NOS2: variants seen among roughly 807,000 people sequenced by gnomAD.
NOS2 encodes nitric oxide synthase, inducible.
NOS2 carries 96 observed loss-of-function variants against 136.0 expected under a neutral mutation model. That is an observed-to-expected ratio of 0.71 (90% CI 0.60 to 0.84). NOS2 has a LOEUF of 0.84. NOS2 is among the 40% of genes least tolerant of loss of function. NOS2 has a pLI of 0.00. For missense variants in NOS2, 1,237 were observed against 1,496.9 expected (o/e 0.83, Z 2.87); for synonymous variants, 539 against 587.5 (o/e 0.92, Z 1.20).
chr17:27,765,039 C>T (rs149256722), intron 20 of NOS2, among the ~76,000 whole-genome samples: 3 of 152,218 alleles, frequency 2.0e-5, no homozygotes, highest in East Asian at 1.9e-4. Flanking sequence ...AGTGTAGTGG[C>T]GAGATCTCAT....
chr17:27,788,708 ATTGT>A, intron 4 of NOS2, 97 bp downstream of exon 4: 3 of 1,426,496 alleles, frequency 2.1e-6, no homozygotes, highest in Non-Finnish European at 2.8e-6. Context: ...CAAGCAGATG[ATTGT>A]TTGGTTTGCC....
rs1908227488 is a variant in NOS2 at position 27,764,290 on chromosome 17, A to G, written c.2429-146T>C. On this transcript the variant is annotated intron_variant, in intron 20 of 26. Coordinates refer to ENST00000313735, the MANE Select transcript of NOS2 (RefSeq NM_000625.4). ...AGACCTGGCTCTAAGAGCAAAAGGC[A>G]GGAAGAAGGTGGCGCATGGAGAAAG... 1.1e-5 allele frequency: 6 copies of G among 521,866 alleles called. No homozygotes were observed. The South Asian group carries it at 1.8e-4, about 16-fold the overall frequency. 32.3% of individuals were successfully genotyped at this position (521,866 alleles called of 1,614,324 possible).
Position 27,758,423 on chromosome 17 carries a change from T to A in NOS2, c.3354+458A>T, listed in dbSNP as rs1258202584. Among the ~76,000 whole-genome samples, 4 of 152,176 alleles carry A rather than the reference T, an allele frequency of 2.6e-5. No homozygotes were observed. In the South Asian group the frequency reaches 6.2e-4, roughly 24 times the overall value. On this transcript the variant is annotated intron_variant, in intron 26 of 26. Coordinates refer to ENST00000313735, the MANE Select transcript of NOS2 (RefSeq NM_000625.4). Reference sequence around the variant, plus strand: ...GCCCAGTGTAAGCCCTTGATAAATATCACTATTATCTTCATCAATAAAATG... The same window carrying A: ...GCCCAGTGTAAGCCCTTGATAAATAACACTATTATCTTCATCAATAAAATG...
chr17:27,768,691 G>A (rs1223701140), intron 17 of NOS2, among the ~76,000 whole-genome samples: 3 of 152,238 alleles, frequency 2.0e-5, no homozygotes, highest in Non-Finnish European at 4.4e-5. Flanking sequence ...GACCTAGGTA[G>A]TCACTGGAGG....
Position 27,764,050 on chromosome 17 carries a change from C to T in NOS2, c.2523G>A (p.Leu841=). ...FLDITTPPTQ[L]LLQKLAQVAT... ...CCACCTGGGCCAGCTTTTGGAGCAGCAGCTGGGTTGGGGGTGTGGTGATGT... is the reference window on the plus strand; with the variant it reads ...CCACCTGGGCCAGCTTTTGGAGCAGTAGCTGGGTTGGGGGTGTGGTGATGT... Residue 841 remains leucine (L), a synonymous_variant, in exon 21 of 27, where the codon CTG becomes CTA. Transcript: ENST00000313735. 1 of 1,613,608 alleles carries T rather than the reference C, an allele frequency of 6.2e-7. No individual in the cohort carries two copies. Among genetic ancestry groups the T allele is most frequent in the Non-Finnish European group, 8.5e-7 (1 of 1,179,716 alleles).
chr17:27,757,378 C>A lies in NOS2; in HGVS notation c.3355-25G>T, dbSNP rs200170947. ...TCTTTTAGGTAAAAACAGAGAGCAACGTGTCAAGTCCAGGCTGGGATGAGC... is the reference window on the plus strand; with the variant it reads ...TCTTTTAGGTAAAAACAGAGAGCAAAGTGTCAAGTCCAGGCTGGGATGAGC... On this transcript the variant is annotated intron_variant, in intron 26 of 26. Coordinates refer to ENST00000313735, the MANE Select transcript of NOS2 (RefSeq NM_000625.4). The A allele has an allele frequency of 4.4e-6, 7 of 1,607,388 alleles. No individual in the cohort carries two copies. The Admixed American group carries it at 1.0e-4, about 23-fold the overall frequency.
chr17:27,760,471 C>A, intron 24 of NOS2, 152 bp downstream of exon 24: 1 of 1,038,166 alleles, frequency 9.6e-7, no homozygotes, highest in Non-Finnish European at 1.4e-6. Context: ...GGAAAGGCAG[C>A]CATTCTAACC....
At chr17:27,780,991 G>A in intron 8 of NOS2, 45 bp downstream of exon 8, 1 of 1,604,252 alleles carries the variant, frequency 6.2e-7, no homozygotes, top group Non-Finnish European at 8.5e-7. Context: ...GCTCACCACG[G>A]GGCTCCCCGC....
chr17:27,769,287 G>T, intron 16 of NOS2, 136 bp from the exon 17 acceptor site: 1 of 920,298 alleles, frequency 1.1e-6, no homozygotes, highest in Non-Finnish European at 1.6e-6. Context: ...CCCCCTTCTG[G>T]TCCTCTCCAT....
intron 5 of NOS2, 89 bp downstream of exon 5, chr17:27,787,589 G>A (rs1475528263): frequency 5.9e-6 from 6 of 1,010,972 alleles, no homozygotes; most frequent in Non-Finnish European, 8.7e-6. Flanking sequence ...AAAGAAAAGG[G>A]ATCTAGCTAG....
chr17:27,769,945 A>G (rs1282296793), intron 15 of NOS2, among the ~76,000 whole-genome samples: 4 of 152,218 alleles, frequency 2.6e-5, no homozygotes, highest in Non-Finnish European at 5.9e-5. Flanking sequence ...AGCAACAACA[A>G]TTGGTCCTAC....
At chr17:27,759,437 C>T (rs540353315) in intron 25 of NOS2, among the ~76,000 whole-genome samples, 1 of 152,262 alleles carries the variant, frequency 6.6e-6, no homozygotes, top group African/African-American at 2.4e-5. Flanking sequence ...TGCAGTCTAC[C>T]CATTAGGTCT....
chr17:27,784,696 T>C (rs1447467980), intron 5 of NOS2, among the ~76,000 whole-genome samples: 1 of 152,228 alleles, frequency 6.6e-6, no homozygotes, highest in East Asian at 1.9e-4. Flanking sequence ...GTGGCTTTCA[T>C]CATCAGTGAA....
Position 27,789,456 on chromosome 17 carries a change from C to G in NOS2, c.195+148G>C. On this transcript the variant is annotated intron_variant, in intron 3 of 26. Transcript: ENST00000313735. ...AAGCCCTTCCTCATTCCCACCTGTT[C>G]CCCCCAACACCCCGGGTCTGGGACT... is the stretch of plus-strand genomic sequence containing the variant. 5 of 644,882 alleles carry G rather than the reference C, an allele frequency of 7.8e-6. No homozygotes were observed. The South Asian group carries it at 8.9e-5, about 12-fold the overall frequency. The allele number at this position is 644,882 out of a possible 1,614,324, so 39.9% of individuals were successfully genotyped here.
chr17:27,764,499 A>G lies in NOS2; in HGVS notation c.2429-355T>C, dbSNP rs1908234381. ...TGGATACCTCACAGGCCAGTTGTTC[A>G]CTTAGAGAGAAGCCCATGACTGCAG... On this transcript the variant is annotated intron_variant, in intron 20 of 26. Coordinates refer to ENST00000313735, the MANE Select transcript of NOS2 (RefSeq NM_000625.4). 3.3e-5 allele frequency among the ~76,000 whole-genome samples: 5 copies of G among 152,366 alleles called. No individual in the cohort carries two copies. The South Asian group carries it at 1.0e-3, about 32-fold the overall frequency.
intron 11 of NOS2, among the ~76,000 whole-genome samples, chr17:27,775,583 C>T (rs1016463485): frequency 6.6e-6 from 1 of 152,106 alleles, no homozygotes; most frequent in Non-Finnish European, 1.5e-5. Context: ...GCCTGGGTGA[C>T]AGAGCGAGAC....
In NOS2 at chr17:27,769,347, G is replaced by C. The variant is rs536276907; in HGVS notation, c.1859+188C>G. Among the ~76,000 whole-genome samples the C allele has an allele frequency of 2.7e-4, 41 of 152,210 alleles. No individual in the cohort carries two copies. In the South Asian group the frequency reaches 2.7e-3, roughly 10 times the overall value. ...ATGACCACCCCATGCTTGGCCTGCA[G>C]ACCTGTGAGAGGGACTTGGTTTCTG... On this transcript the variant is annotated intron_variant, in intron 16 of 26. Transcript: ENST00000313735.
At chr17:27,765,469 GC>G in intron 20 of NOS2, 65 bp downstream of exon 20, 1 of 1,447,126 alleles carries the variant, frequency 6.9e-7, no homozygotes, top group Non-Finnish European at 9.3e-7. Context: ...CCCAGGCTCA[GC>G]CCCTCAGCCA....
At chr17:27,779,108 A>G (rs780642642) in intron 9 of NOS2, 52 bp from the exon 10 acceptor site, 2 of 1,298,890 alleles carry the variant, frequency 1.5e-6, no homozygotes, top group South Asian at 4.9e-5. Flanking sequence ...TTTTTATTTT[A>G]TTATTATTTT....
Sources: gnomAD v4.1 joint callset for allele counts (sites outside exome capture counted in the v4.1 genomes callset) on GRCh38, gnomAD v4.1.1 for gene constraint, MANE v1.5 for transcripts, NCBI Gene and HGNC (gene_info 2026-07-23, HGNC 2026-07-21) for gene names.